The following RNASEH2A variants were observed in gnomAD, a reference collection of about 807,000 sequenced individuals.
RNASEH2A encodes ribonuclease H2 subunit A.
RNASEH2A carries 30 observed loss-of-function variants against 32.7 expected under a neutral mutation model. That is an observed-to-expected ratio of 0.92 (90% CI 0.69 to 1.25). The LOEUF (loss-of-function observed/expected upper bound fraction) is 1.25. RNASEH2A is among the 50% of genes most tolerant of loss of function. RNASEH2A has a pLI of 0.00. For synonymous variants in RNASEH2A, 147 were observed against 165.4 expected (o/e 0.89, Z 0.86); for missense variants, 409 against 398.1 (o/e 1.03, Z -0.23).
chr19:12,809,319 C>T (rs1043332968), intron 4 of RNASEH2A, among the ~76,000 whole-genome samples: 1 of 152,220 alleles, frequency 6.6e-6, no homozygotes, highest in East Asian at 1.9e-4. Flanking sequence ...TTTCCCCCAG[C>T]AGCTCTTGGA....
chr19:12,806,616 G>T lies in RNASEH2A; in HGVS notation c.-58G>T, dbSNP rs910985836. ...GCTTCGAGGCCCGCGGAAAACGCGC[G>T]CCGAGACCCGCTCCTGCAGTATTAG... On this transcript the variant is annotated 5_prime_UTR_variant, in exon 1 of 8. Transcript: ENST00000221486. 1.7e-5 allele frequency: 27 copies of T among 1,550,978 alleles called. No homozygotes were observed. The highest frequency in any genetic ancestry group is 2.0e-5 in the Non-Finnish European group (23 of 1,146,648).
rs1190510763 is a variant in RNASEH2A at position 12,806,704 on chromosome 19, A to G, written c.31A>G (p.Thr11Ala). 3.2e-6 allele frequency: 5 copies of G among 1,571,116 alleles called. No homozygotes were observed. The highest frequency in any genetic ancestry group is 4.3e-6 in the Non-Finnish European group (5 of 1,158,258). The change falls in exon 1 of 8, where the codon ACA (threonine) becomes GCA (alanine). Residue 11 changes from threonine to alanine, a missense_variant. Physicochemically the swap from Thr to Ala is moderately conservative, Grantham distance 58. Coordinates refer to ENST00000221486, the MANE Select transcript of RNASEH2A (RefSeq NM_006397.3). Reference sequence around the variant, plus strand: ...TCTCAGCGAGCTGGAGAGAGACAATACAGGCCGCTGTCGCCTGAGTTCGCC... The same window carrying G: ...TCTCAGCGAGCTGGAGAGAGACAATGCAGGCCGCTGTCGCCTGAGTTCGCC... MDLSELERDN[T>A]GRCRLSSPVP...
At chr19:12,808,541 C>T (rs978911015) in intron 4 of RNASEH2A, among the ~76,000 whole-genome samples, 8 of 152,058 alleles carry the variant, frequency 5.3e-5, no homozygotes, top group Admixed American at 2.6e-4. Flanking sequence ...TGCTGAGTGT[C>T]GTCTCTCGTC....
chr19:12,812,920 G>A lies in RNASEH2A; in HGVS notation c.638-163G>A, dbSNP rs554421921. On this transcript the variant is annotated intron_variant, in intron 6 of 7. Coordinates refer to ENST00000221486, the MANE Select transcript of RNASEH2A (RefSeq NM_006397.3). ...CTTGGGAGGCTGAGGCAGGAGAATC[G>A]CTTGAATCCGGGAGGTGGAGGTTGC... is the stretch of plus-strand genomic sequence containing the variant. Among the ~76,000 whole-genome samples the A allele has an allele frequency of 3.9e-4, 59 of 152,134 alleles. No individual in the cohort carries two copies. The South Asian group carries it at 5.6e-3, about 14-fold the overall frequency.
intron 4 of RNASEH2A, among the ~76,000 whole-genome samples, chr19:12,809,546 C>T (rs1969043374): frequency 6.6e-6 from 1 of 152,192 alleles, no homozygotes; most frequent in Non-Finnish European, 1.5e-5. Flanking sequence ...CCATATGTTG[C>T]CCAGGTTGGT....
chr19:12,808,732 C>T (rs1409534540), intron 4 of RNASEH2A, among the ~76,000 whole-genome samples: 2 of 152,160 alleles, frequency 1.3e-5, no homozygotes, highest in Non-Finnish European at 2.9e-5. Context: ...AGCATTGCCT[C>T]GAATGCTCTC....
Position 12,813,366 on chromosome 19 carries a change from A to G in RNASEH2A, c.800A>G (p.Lys267Arg), listed in dbSNP as rs1337243889. ...SASENQEGLR[K>R]ITSYFLNEGS... ...TCCGAGAATCAGGAGGGACTCAGGA[A>G]GATCACATCCTACTTCCTCAATGAA... is the stretch of plus-strand genomic sequence containing the variant. Residue 267 changes from lysine (K) to arginine (R), a missense_variant, in exon 8 of 8, where the codon AAG (lysine) becomes AGG (arginine). Coordinates refer to ENST00000221486, the MANE Select transcript of RNASEH2A (RefSeq NM_006397.3). The G allele has an allele frequency of 1.9e-6, 3 of 1,614,174 alleles. No homozygotes were observed. The highest frequency in any genetic ancestry group is 2.5e-6 in the Non-Finnish European group (3 of 1,180,032).
At chr19:12,812,607 C>T (rs1240444976) in intron 6 of RNASEH2A, among the ~76,000 whole-genome samples, 2 of 152,162 alleles carry the variant, frequency 1.3e-5, no homozygotes, top group Admixed American at 6.6e-5. Flanking sequence ...GAGGCAGTCT[C>T]CCTGCACTGC....
chr19:12,807,142 T>C, intron 2 of RNASEH2A, 63 bp downstream of exon 2: 2 of 1,614,086 alleles, frequency 1.2e-6, no homozygotes, highest in African/African-American at 1.3e-5. Flanking sequence ...AGGTGAGAAC[T>C]GAAAGGGGAG....
At chr19:12,809,945 T>G in intron 4 of RNASEH2A, 126 bp from the exon 5 acceptor site, 1 of 1,244,562 alleles carries the variant, frequency 8.0e-7, no homozygotes, top group Non-Finnish European at 1.2e-6. Flanking sequence ...AAATCCCTGA[T>G]TGATCCATCC....
At chr19:12,809,232 A>G (rs1469397376) in intron 4 of RNASEH2A, among the ~76,000 whole-genome samples, 1 of 152,302 alleles carries the variant, frequency 6.6e-6, no homozygotes, top group African/African-American at 2.4e-5. Context: ...ATAAAAAAAT[A>G]AAACATGAAA....
chr19:12,809,892 G>A (rs1245257280), intron 4 of RNASEH2A, among the ~76,000 whole-genome samples, 179 bp from the exon 5 acceptor site: 2 of 152,304 alleles, frequency 1.3e-5, no homozygotes, highest in Middle Eastern at 3.4e-3. Context: ...GGGATCACAG[G>A]CCTGAACAAC....
chr19:12,807,570 T>C (rs746544633), intron 4 of RNASEH2A, 64 bp downstream of exon 4: 4 of 1,324,196 alleles, frequency 3.0e-6, no homozygotes, highest in Non-Finnish European at 4.3e-6. Flanking sequence ...AAAACAGGAG[T>C]TCGAGACTGC....
At chr19:12,809,511 T>C (rs1027628054) in intron 4 of RNASEH2A, among the ~76,000 whole-genome samples, 1 of 152,016 alleles carries the variant, frequency 6.6e-6, no homozygotes, top group South Asian at 2.1e-4. Flanking sequence ...TAGCTAACTT[T>C]TTATTTTTTG....
chr19:12,812,608 C>T (rs968516762), intron 6 of RNASEH2A, among the ~76,000 whole-genome samples: 2 of 152,118 alleles, frequency 1.3e-5, no homozygotes, highest in Non-Finnish European at 2.9e-5. Context: ...AGGCAGTCTC[C>T]CTGCACTGCC....
rs778807434 is a variant in RNASEH2A at position 12,810,413 on chromosome 19, A to G, written c.637+9A>G. On this transcript the variant is annotated intron_variant, in intron 6 of 7. Transcript: ENST00000221486. The stretch of plus-strand genomic sequence containing the variant: ...CTCAGGCTACCCCAATGGTGAGCAG[A>G]CACGTGACCATGGTACTAATGTTGA... The G allele has an allele frequency of 1.2e-6, 2 of 1,611,430 alleles. No individual in the cohort carries two copies. The highest frequency in any genetic ancestry group is 1.7e-6 in the Non-Finnish European group (2 of 1,177,628).
At chr19:12,811,542 C>T (rs1490990989) in intron 6 of RNASEH2A, among the ~76,000 whole-genome samples, 1 of 151,682 alleles carries the variant, frequency 6.6e-6, no homozygotes, top group Non-Finnish European at 1.5e-5. Flanking sequence ...TGCTTGAGCC[C>T]AGGAGTTGGA....
At position 12,806,814 on chromosome 19, in the gene RNASEH2A, G is replaced by A. The variant is rs758619313; in HGVS notation, c.127+14G>A. On this transcript the variant is annotated intron_variant, in intron 1 of 7. Transcript: ENST00000221486. ...GCCCCGTGCTGGGTGCGCCCCTAGG[G>A]CCAGGGAGGGGAGGGGCGTGGTACG... 2.5e-6 allele frequency: 4 copies of A among 1,586,392 alleles called. No homozygotes were observed. In the Admixed American group the frequency reaches 5.5e-5, roughly 22 times the overall value.
At chr19:12,810,540 T>C (rs1166688394) in intron 6 of RNASEH2A, 136 bp downstream of exon 6, 13 of 911,712 alleles carry the variant, frequency 1.4e-5, no homozygotes, top group Non-Finnish European at 2.2e-5. Context: ...TATTTTTGTT[T>C]ATTTTTTGAG....
Sources: gnomAD v4.1 joint callset for allele counts (sites outside exome capture counted in the v4.1 genomes callset) on GRCh38, gnomAD v4.1.1 for gene constraint, MANE v1.5 for transcripts, NCBI Gene and HGNC (gene_info 2026-07-23, HGNC 2026-07-21) for gene names.